The following NCALD variants were observed in gnomAD, a reference collection of about 807,000 sequenced individuals.
NCALD encodes the protein neurocalcin delta, also known as neurocalcin-delta.
NCALD carries 10 observed loss-of-function variants against 18.6 expected under a neutral mutation model. That is an observed-to-expected ratio of 0.54 (90% CI 0.33 to 0.91). The LOEUF (loss-of-function observed/expected upper bound fraction) is 0.91, where lower values mean the gene tolerates loss of function less well. Among genes scored for constraint, NCALD ranks in the 40% least tolerant of loss-of-function variants. NCALD has a pLI of 0.03. For missense variants in NCALD, 184 were observed against 247.6 expected, an observed-to-expected ratio of 0.74 and a Z score of 1.72; for synonymous variants, 88 against 87.4, an observed-to-expected ratio of 1.01 and a Z score of -0.04.
Position 102,004,777 on chromosome 8 carries a change from G to A in NCALD, c.-157+15460C>T, listed in dbSNP as rs1821631437. ...CAAATCTGACAAAAACAAGCAATGG[G>A]GAAAGGATTCCCTATTTAATAAATG... On this transcript the variant is annotated intron_variant, in intron 2 of 6. Transcript: ENST00000311028. Among the ~76,000 whole-genome samples the A allele has an allele frequency of 2.0e-5, 3 of 152,130 alleles. No individual in the cohort carries two copies. In the East Asian group the frequency reaches 5.8e-4, roughly 29 times the overall value.
upstream of NCALD, among the ~76,000 whole-genome samples, chr8:101,794,141 T>C (rs771689747): frequency 1.3e-5 from 2 of 152,200 alleles, no homozygotes; most frequent in Non-Finnish European, 2.9e-5. Flanking sequence ...ATTATAAAAT[T>C]CTGACACCTT....
intron 2 of NCALD, among the ~76,000 whole-genome samples, chr8:101,937,770 G>A (rs1185314858): frequency 1.3e-5 from 2 of 152,164 alleles, no homozygotes; most frequent in Non-Finnish European, 2.9e-5. Flanking sequence ...GATCAAGACA[G>A]GCATGGTTTC....
intron 4 of NCALD, among the ~76,000 whole-genome samples, chr8:101,839,369 G>T (rs556691659): frequency 5.3e-5 from 8 of 152,142 alleles, no homozygotes; most frequent in Non-Finnish European, 1.0e-4. Flanking sequence ...GGCAGGAGAG[G>T]TGGAACGTAA....
At chr8:102,109,906 T>C (rs1188148273) in intron 1 of NCALD, among the ~76,000 whole-genome samples, 2 of 152,244 alleles carry the variant, frequency 1.3e-5, no homozygotes, top group Non-Finnish European at 1.5e-5. Context: ...CATTACTTAA[T>C]ATAGAGTTTT....
intron 3 of NCALD, among the ~76,000 whole-genome samples, chr8:101,891,563 G>A (rs1408420266): frequency 3.3e-5 from 5 of 152,200 alleles, no homozygotes; most frequent in Middle Eastern, 3.2e-3. Context: ...CGTGAGCGAC[G>A]CAGAAGACGG....
At chr8:101,859,925 G>T (rs1249385181) in intron 4 of NCALD, among the ~76,000 whole-genome samples, 1 of 152,150 alleles carries the variant, frequency 6.6e-6, no homozygotes, top group Non-Finnish European at 1.5e-5. Context: ...CCCCAATAGG[G>T]CATATCATTG....
At chr8:102,054,971 G>A (rs1269701) in intron 1 of NCALD, among the ~76,000 whole-genome samples, 80,145 of 151,614 alleles carry the variant, frequency 0.53, 22,523 homozygotes, top group East Asian at 0.79. Flanking sequence ...ACCCAGTGTC[G>A]ATGAGATGTG....
chr8:101,800,744 T>C (rs1310684960), intron 4 of NCALD, among the ~76,000 whole-genome samples: 4 of 147,422 alleles, frequency 2.7e-5, no homozygotes, highest in Non-Finnish European at 5.9e-5. Flanking sequence ...TATCAATACA[T>C]AATACTTTAT....
At chr8:101,923,765 G>T (rs1031425566) in intron 2 of NCALD, among the ~76,000 whole-genome samples, 1 of 151,670 alleles carries the variant, frequency 6.6e-6, no homozygotes, top group Non-Finnish European at 1.5e-5. Context: ...TAGTGCTGGG[G>T]TTCTATTTGC....
chr8:101,875,298 T>C (rs1816184414), intron 4 of NCALD, among the ~76,000 whole-genome samples: 1 of 152,230 alleles, frequency 6.6e-6, no homozygotes, highest in East Asian at 1.9e-4. Flanking sequence ...CTTCATCCTG[T>C]TCCGGGAGCT....
In NCALD at chr8:101,987,561, A is replaced by T. The variant is rs1324025998; in HGVS notation, c.-157+32676T>A. ...GATAAAAGCCAATGCATGAAAAACA[A>T]ATCCAAGACAGAGGCAGGATGTGTA... On this transcript the variant is annotated intron_variant, in intron 2 of 6. Coordinates refer to the NCALD transcript ENST00000311028. 3.9e-5 allele frequency among the ~76,000 whole-genome samples: 6 copies of T among 152,210 alleles called. No homozygotes were observed. In the East Asian group the frequency reaches 1.2e-3, roughly 29 times the overall value.
intron 1 of NCALD, among the ~76,000 whole-genome samples, chr8:102,047,691 C>T (rs531764950): frequency 3.3e-5 from 5 of 152,216 alleles, no homozygotes; most frequent in Non-Finnish European, 7.3e-5. Flanking sequence ...CGGGACCAAG[C>T]ATTAGCCTAA....
intron 2 of NCALD, among the ~76,000 whole-genome samples, chr8:101,970,818 A>G (rs1314331937): frequency 1.3e-5 from 2 of 152,166 alleles, no homozygotes; most frequent in African/African-American, 4.8e-5. Flanking sequence ...CACAGTTTAA[A>G]TATGGTTTTT....
At chr8:101,946,809 CAAAAAA>C (rs71268537) in intron 2 of NCALD, among the ~76,000 whole-genome samples, 1 of 65,670 alleles carries the variant, frequency 1.5e-5, no homozygotes, top group Non-Finnish European at 2.8e-5. Flanking sequence ...CATCAATTAG[CAAAAAA>C]AAAAAAAAAA....
intron 4 of NCALD, among the ~76,000 whole-genome samples, chr8:101,875,027 T>C (rs1333778722): frequency 1.3e-5 from 2 of 152,212 alleles, no homozygotes; most frequent in East Asian, 1.9e-4. Context: ...CATCATTAAA[T>C]TGACAACATA....
In NCALD at chr8:101,784,289, G is replaced by C. The variant is rs555306714; in HGVS notation, c.-20+6573C>G. ...CTCTTGGCCTCTCTATGTGGTCTGG[G>C]TTTCCTACAATATGGTGACTGGATT... On this transcript the variant is annotated intron_variant, in intron 1 of 3. Coordinates refer to ENST00000220931, the MANE Select transcript of NCALD (RefSeq NM_032041.3). Among the ~76,000 whole-genome samples, 6 of 152,146 alleles carry C rather than the reference G, an allele frequency of 3.9e-5. No homozygotes were observed. In the East Asian group the frequency reaches 1.2e-3, roughly 29 times the overall value.
At chr8:101,804,554 T>C (rs1813013276) in intron 4 of NCALD, among the ~76,000 whole-genome samples, 1 of 121,530 alleles carries the variant, frequency 8.2e-6, no homozygotes, top group Non-Finnish European at 1.6e-5. Context: ...ATATAATTGA[T>C]TATATAATAT....
intron 4 of NCALD, among the ~76,000 whole-genome samples, chr8:101,802,980 G>A (rs549821882): frequency 2.0e-5 from 3 of 151,088 alleles, no homozygotes; most frequent in South Asian, 2.1e-4. Flanking sequence ...AGAAGATCTA[G>A]CTAAGATCAT....
At chr8:101,824,513 C>T (rs901437471) in intron 4 of NCALD, among the ~76,000 whole-genome samples, 2 of 151,742 alleles carry the variant, frequency 1.3e-5, no homozygotes, top group Non-Finnish European at 2.9e-5. Flanking sequence ...GCTCCTACCA[C>T]CTCTTCAATA....
Sources: allele counts gnomAD v4.1 joint callset (sites outside exome capture counted in the v4.1 genomes callset), GRCh38; gene constraint gnomAD v4.1.1; transcripts MANE v1.5; gene names NCBI Gene and HGNC (gene_info 2026-07-23, HGNC 2026-07-21).